Variants in BRD10 observed in about 807,000 individuals in gnomAD.
BRD10 encodes uncharacterized bromodomain-containing protein 10.
At chr9:5,980,709 A>C in the BRD10 span, among the ~76,000 whole-genome samples, 1 of 152,124 alleles carries the variant, frequency 6.6e-6, no homozygotes, top group African/African-American at 2.4e-5. Context: ...AAAATTTTAA[A>C]AAATCTACTT....
chr9:5,933,085 CAGAT>C, the BRD10 span, among the ~76,000 whole-genome samples: 7 of 152,060 alleles, frequency 4.6e-5, no homozygotes, highest in African/African-American at 1.7e-4. Flanking sequence ...ATAAAAATGG[CAGAT>C]AGATAATTTA....
the BRD10 span, among the ~76,000 whole-genome samples, chr9:5,885,278 C>G: frequency 6.6e-6 from 1 of 152,256 alleles, no homozygotes; most frequent in African/African-American, 2.4e-5. Context: ...TGGGCACCCC[C>G]TCCGAACTGT....
the BRD10 span, chr9:5,921,010 C>G: frequency 1.9e-6 from 3 of 1,613,780 alleles, no homozygotes; most frequent in Non-Finnish European, 8.5e-7. Context: ...GAAAGGAACC[C>G]AAAGATAAAT....
the BRD10 span, among the ~76,000 whole-genome samples, chr9:5,905,681 C>T: frequency 6.6e-6 from 1 of 152,176 alleles, no homozygotes; most frequent in East Asian, 1.9e-4. Context: ...ACCTAAAACC[C>T]ACCTGTGACT....
At chr9:5,919,543 AACACAC>A in the BRD10 span, 140 of 396,962 alleles carry the variant, frequency 3.5e-4, no homozygotes, top group African/African-American at 7.5e-4. Flanking sequence ...GATACATTAA[AACACAC>A]ACACACACAC....
At chr9:5,955,216 C>T in the BRD10 span, among the ~76,000 whole-genome samples, 10 of 151,692 alleles carry the variant, frequency 6.6e-5, no homozygotes, top group Non-Finnish European at 1.5e-4. Flanking sequence ...AGATACAGGA[C>T]ACTGTACAAG....
the BRD10 span, among the ~76,000 whole-genome samples, chr9:5,995,753 A>T: frequency 6.6e-6 from 1 of 152,246 alleles, no homozygotes; most frequent in African/African-American, 2.4e-5. Context: ...TAGATAGGAA[A>T]GAGTGGAGAG....
chr9:5,907,198 GGAAGTACA>G, the BRD10 span: 1 of 346,260 alleles, frequency 2.9e-6, no homozygotes, highest in Non-Finnish European at 5.1e-6. Context: ...AAAAAACAAG[GGAAGTACA>G]GATATTTTCT....
chr9:5,922,135 C>T, the BRD10 span: 3 of 1,613,934 alleles, frequency 1.9e-6, no homozygotes, highest in Non-Finnish European at 2.5e-6. Flanking sequence ...CTCCAGTGTT[C>T]CCACCTCGTG....
the BRD10 span, among the ~76,000 whole-genome samples, chr9:6,001,921 T>A: frequency 6.6e-6 from 1 of 152,268 alleles, no homozygotes; most frequent in South Asian, 2.1e-4. Context: ...GTTTTCCCAA[T>A]TTGTAGGGGG....
At chr9:5,888,157 GT>G in the BRD10 span, among the ~76,000 whole-genome samples, 24 of 152,028 alleles carry the variant, frequency 1.6e-4, no homozygotes, top group Non-Finnish European at 3.1e-4. Context: ...TTCCGGTGGG[GT>G]TTTTTTTCTT....
chr9:5,910,011 T>A, the BRD10 span: 2 of 152,188 alleles, frequency 1.3e-5, no homozygotes, highest in Non-Finnish European at 2.9e-5. Context: ...AGGATAACTA[T>A]AACAACGAAG....
the BRD10 span, among the ~76,000 whole-genome samples, chr9:6,003,813 T>C: frequency 6.6e-6 from 1 of 152,118 alleles, no homozygotes; most frequent in Non-Finnish European, 1.5e-5. Flanking sequence ...ATTACATGCA[T>C]TGCTGCTTTA....
At chr9:5,934,358 CT>C in the BRD10 span, among the ~76,000 whole-genome samples, 136 of 129,980 alleles carry the variant, frequency 1.0e-3, 12 homozygotes, top group Middle Eastern at 4.0e-3. Context: ...TTACGCTTTT[CT>C]TTTTTTTTTT....
the BRD10 span, among the ~76,000 whole-genome samples, chr9:5,997,890 C>A: frequency 1.3e-5 from 2 of 152,102 alleles, 1 homozygote; most frequent in East Asian, 3.8e-4. Context: ...AAAGTAAGCA[C>A]ACACAATACA....
At chr9:5,960,056 C>T in the BRD10 span, among the ~76,000 whole-genome samples, 1 of 152,280 alleles carries the variant, frequency 6.6e-6, no homozygotes, top group South Asian at 2.1e-4. Context: ...AGTCCTTCAT[C>T]CCTTGTAAAA....
chr9:6,008,024 C>T, the BRD10 span: 4 of 1,183,432 alleles, frequency 3.4e-6, no homozygotes, highest in Non-Finnish European at 4.2e-6. Flanking sequence ...GCCTAGGTGC[C>T]CTCCTCTCCC....
the BRD10 span, chr9:5,921,086 G>C: frequency 1.2e-6 from 2 of 1,613,846 alleles, no homozygotes; most frequent in Non-Finnish European, 1.7e-6. Context: ...ATTAACAGGG[G>C]TAATATTCTG....
the BRD10 span, among the ~76,000 whole-genome samples, chr9:5,883,026 G>A: frequency 6.6e-6 from 1 of 152,224 alleles, no homozygotes; most frequent in South Asian, 2.1e-4. Context: ...GGGGGCTGGG[G>A]GAGGGATAGC....
Sources: allele counts gnomAD v4.1 joint callset (sites outside exome capture counted in the v4.1 genomes callset), GRCh38; gene constraint gnomAD v4.1.1; transcripts MANE v1.5; gene names NCBI Gene and HGNC (gene_info 2026-07-23, HGNC 2026-07-21).